TXNDC16: variants seen among roughly 807,000 people sequenced by gnomAD.
TXNDC16 encodes the protein thioredoxin domain containing 16.
Under a neutral mutation model 85.6 loss-of-function variants are expected in TXNDC16, and 74 were observed. That is an observed-to-expected ratio of 0.86 (90% CI 0.72 to 1.05). TXNDC16 has a LOEUF of 1.05. Ranked by LOEUF, TXNDC16 falls within the 50% of genes least tolerant of loss-of-function variation. TXNDC16 has a pLI of 0.00. For synonymous variants in TXNDC16, 335 were observed against 326.5 expected, an observed-to-expected ratio of 1.03 and a Z score of -0.28; for missense variants, 959 against 947.0, an observed-to-expected ratio of 1.01 and a Z score of -0.17.
At chr14:52,438,137 T>G (rs2035075524) in intron 20 of TXNDC16, among the ~76,000 whole-genome samples, 1 of 152,236 alleles carries the variant, frequency 6.6e-6, no homozygotes, top group Admixed American at 6.5e-5. Flanking sequence ...TGGAAACTAC[T>G]GGTGAAAATG....
intron 1 of TXNDC16, among the ~76,000 whole-genome samples, chr14:52,547,650 C>A (rs935202046): frequency 6.6e-6 from 1 of 152,162 alleles, no homozygotes; most frequent in African/African-American, 2.4e-5. Context: ...GTTTTCCATT[C>A]TTCCTCTCTC....
At chr14:52,458,255 TC>T (rs1183405035) in intron 16 of TXNDC16, among the ~76,000 whole-genome samples, 2 of 152,110 alleles carry the variant, frequency 1.3e-5, no homozygotes, top group Admixed American at 6.6e-5. Flanking sequence ...TCATTTACAA[TC>T]ACAGATTTAA....
At chr14:52,447,507 T>C (rs1467604295) in intron 18 of TXNDC16, among the ~76,000 whole-genome samples, 4 of 152,140 alleles carry the variant, frequency 2.6e-5, no homozygotes, top group Admixed American at 6.5e-5. Context: ...ACAGTGCCAG[T>C]GGTGGTGGCC....
At chr14:52,465,744 T>C (rs1013773421) in intron 16 of TXNDC16, among the ~76,000 whole-genome samples, 7 of 152,174 alleles carry the variant, frequency 4.6e-5, no homozygotes, top group Admixed American at 3.3e-4. Flanking sequence ...GACACATTCC[T>C]GTGAAGCAAG....
At chr14:52,536,676 T>C (rs1413303277) in intron 6 of TXNDC16, 43 bp downstream of exon 6, 4 of 1,462,284 alleles carry the variant, frequency 2.7e-6, no homozygotes, top group Non-Finnish European at 3.8e-6. Context: ...AATCAACAGA[T>C]AAGTAACAAG....
At chr14:52,519,372 C>A in intron 6 of TXNDC16, 79 bp from the exon 7 acceptor site, 4 of 1,069,478 alleles carry the variant, frequency 3.7e-6, no homozygotes, top group Non-Finnish European at 4.0e-6. Flanking sequence ...AAGAACCTAA[C>A]CAAAAGAGAA....
intron 1 of TXNDC16, among the ~76,000 whole-genome samples, chr14:52,546,869 T>C (rs2140234529): frequency 6.6e-6 from 1 of 152,320 alleles, no homozygotes; most frequent in Non-Finnish European, 1.5e-5. Flanking sequence ...GAAACATTTA[T>C]CAGAGACTGG....
intron 16 of TXNDC16, among the ~76,000 whole-genome samples, chr14:52,463,819 TG>T (rs1296864992): frequency 1.3e-5 from 2 of 152,244 alleles, no homozygotes; most frequent in Non-Finnish European, 2.9e-5. Context: ...TATATAGAAA[TG>T]TTAATAAATT....
intron 6 of TXNDC16, among the ~76,000 whole-genome samples, chr14:52,524,789 T>C (rs1031217254): frequency 4.6e-5 from 7 of 151,538 alleles, no homozygotes; most frequent in African/African-American, 1.7e-4. Flanking sequence ...CCACCTCACC[T>C]GGCCTGAGGA....
At chr14:52,521,517 A>G (rs2037211346) in intron 6 of TXNDC16, among the ~76,000 whole-genome samples, 2 of 152,190 alleles carry the variant, frequency 1.3e-5, no homozygotes, top group African/African-American at 2.4e-5. Context: ...GTGACATCAC[A>G]CATCATGTAG....
intron 6 of TXNDC16, among the ~76,000 whole-genome samples, chr14:52,527,920 T>A (rs932944061): frequency 1.3e-5 from 2 of 149,746 alleles, no homozygotes; most frequent in African/African-American, 5.0e-5. Flanking sequence ...AAAATCAATC[T>A]GAGAAAATTT....
rs769357909 is a variant in TXNDC16 at position 52,488,417 on chromosome 14, G to C, written c.1054C>G (p.His352Asp). Residue 352 changes from histidine to aspartate, a missense_variant, in exon 12 of 21, where the codon CAC becomes GAC. Coordinates refer to ENST00000281741, the MANE Select transcript of TXNDC16 (RefSeq NM_020784.3). ...LIISHVENNM[H>D]IEEIQEDEDN... ...TCATCTTCTTGTATTTCCTCAATGT[G>C]CATATTATTTTCCACATGAGATATT... The C allele has an allele frequency of 1.2e-6, 2 of 1,612,616 alleles. No homozygotes were observed. Among genetic ancestry groups the C allele is most frequent in the Non-Finnish European group, 1.7e-6 (2 of 1,179,026 alleles).
At position 52,488,437 on chromosome 14, in the gene TXNDC16, G is replaced by A. The variant is rs199524742; in HGVS notation, c.1034C>T (p.Ser345Phe). 19 of 1,611,054 alleles carry A rather than the reference G, an allele frequency of 1.2e-5. No homozygotes were observed. Among genetic ancestry groups the A allele is most frequent in the Middle Eastern group, 3.3e-4 (2 of 6,080 alleles). Residue 345 changes from serine (S) to phenylalanine (F), a missense_variant, in exon 12 of 21, where the codon TCT (serine) becomes TTT (phenylalanine). Transcript: ENST00000281741. ...LVLHDVDLII[S>F]HVENNMHIEE... is the part of the protein sequence containing the mutation. ...AATGTGCATATTATTTTCCACATGAGATATTATTAAATCAACATCATGTAA... is the reference window on the plus strand; with the variant it reads ...AATGTGCATATTATTTTCCACATGAAATATTATTAAATCAACATCATGTAA...
rs2036742952 is a variant in TXNDC16 at position 52,504,505 on chromosome 14, C to T, written c.756+6735G>A. Among the ~76,000 whole-genome samples the T allele has an allele frequency of 2.0e-5, 3 of 152,152 alleles. No individual in the cohort carries two copies. In the South Asian group the frequency reaches 6.2e-4, roughly 31 times the overall value. ...AGTGAAGGAGAAATAAAATACTTTA[C>T]AGACAAGCAAATGCTGAGAGATTTT... On this transcript the variant is annotated intron_variant, in intron 9 of 20. Coordinates refer to ENST00000281741, the MANE Select transcript of TXNDC16 (RefSeq NM_020784.3).
intron 18 of TXNDC16, among the ~76,000 whole-genome samples, chr14:52,448,127 G>A (rs2035327315): frequency 6.6e-6 from 1 of 151,936 alleles, no homozygotes; most frequent in Non-Finnish European, 1.5e-5. Flanking sequence ...GGGATAGAGT[G>A]TATTCAAAAG....
chr14:52,532,635 AC>A (rs1207634400), intron 6 of TXNDC16, among the ~76,000 whole-genome samples: 2 of 151,988 alleles, frequency 1.3e-5, no homozygotes, highest in African/African-American at 4.8e-5. Context: ...ACAGGGTTTC[AC>A]CGTGTTAGCC....
intron 11 of TXNDC16, 39 bp downstream of exon 11, chr14:52,490,352 A>G (rs1454080770): frequency 7.1e-7 from 1 of 1,416,826 alleles, no homozygotes; most frequent in East Asian, 2.5e-5. Flanking sequence ...CTTTCTTTAA[A>G]TAAACAGATA....
rs772307982 is a variant in TXNDC16 at position 52,455,456 on chromosome 14, G to A, written c.1710C>T (p.Thr570=). 2 of 1,613,732 alleles carry A rather than the reference G, an allele frequency of 1.2e-6. No homozygotes were observed. Among genetic ancestry groups the A allele is most frequent in the Non-Finnish European group, 1.7e-6 (2 of 1,179,838 alleles). Residue 570 remains threonine, a synonymous_variant, in exon 18 of 21, where the codon ACC becomes ACT. Coordinates refer to ENST00000281741, the MANE Select transcript of TXNDC16 (RefSeq NM_020784.3). ...YSEEDVLLLS[T]KYAASLPALL... is the part of the protein sequence containing the mutation. ...GGGCTGGAAGACTTGCAGCATATTT[G>A]GTTGACCTATGGAGAAAGGCAGTAT...
intron 16 of TXNDC16, among the ~76,000 whole-genome samples, chr14:52,458,697 G>C (rs2035590057): frequency 6.6e-6 from 1 of 152,184 alleles, no homozygotes; most frequent in South Asian, 2.1e-4. Context: ...TGAACAGAGT[G>C]AAATTCCAGT....
Sources: gnomAD v4.1 joint callset for allele counts (sites outside exome capture counted in the v4.1 genomes callset) on GRCh38, gnomAD v4.1.1 for gene constraint, MANE v1.5 for transcripts, NCBI Gene and HGNC (gene_info 2026-07-23, HGNC 2026-07-21) for gene names.